TUBA1C: variants seen among roughly 807,000 people sequenced by gnomAD.
TUBA1C encodes the protein tubulin alpha-1C chain.
In TUBA1C, 16 loss-of-function variants were observed where a neutral mutation model predicts 34.9. That is an observed-to-expected ratio of 0.46 (90% CI 0.31 to 0.70). The LOEUF is 0.70. Ranked by LOEUF, TUBA1C falls within the 30% of genes least tolerant of loss-of-function variation. The probability of loss-of-function intolerance (pLI) is 0.05; values close to 1 mark genes in which losing one functional copy is unlikely to be tolerated. For synonymous variants in TUBA1C, 177 were observed against 215.9 expected (o/e 0.82, Z 1.58); for missense variants, 329 against 587.3 (o/e 0.56, Z 4.55).
intron 1 of TUBA1C, among the ~76,000 whole-genome samples, chr12:49,230,975 A>G (rs955604654): frequency 6.6e-6 from 1 of 152,164 alleles, no homozygotes; most frequent in African/African-American, 2.4e-5. Context: ...AATGTATGAA[A>G]AGAACTTAGT....
chr12:49,255,559 CT>C (rs1942775376), intron 1 of TUBA1C, among the ~76,000 whole-genome samples: 1 of 151,808 alleles, frequency 6.6e-6, no homozygotes, highest in South Asian at 2.1e-4. Flanking sequence ...GTAGATTCGT[CT>C]TTTCTTTTTG....
chr12:49,254,793 C>T (rs970869463), intron 1 of TUBA1C, among the ~76,000 whole-genome samples: 12 of 152,066 alleles, frequency 7.9e-5, no homozygotes, highest in African/African-American at 2.9e-4. Flanking sequence ...CTAGTCATGA[C>T]TTTGTCTTTC....
intron 3 of TUBA1C, 126 bp downstream of exon 3, chr12:49,270,102 A>G (rs1285938599): frequency 5.1e-6 from 8 of 1,567,690 alleles, no homozygotes; most frequent in Non-Finnish European, 7.0e-6. Flanking sequence ...GTATCTGTTC[A>G]CTAAATTAAT....
intron 1 of TUBA1C, among the ~76,000 whole-genome samples, chr12:49,265,978 A>C (rs1468248027): frequency 2.0e-5 from 3 of 147,418 alleles, no homozygotes; most frequent in Non-Finnish European, 4.5e-5. Flanking sequence ...AAAAACAAAA[A>C]AAAACGCTGG....
rs562107706 is a variant in TUBA1C at position 49,250,523 on chromosome 12, CA to C, written c.214-18924del. Among the ~76,000 whole-genome samples the C allele has an allele frequency of 5.0e-3, 272 of 54,916 alleles. 2 individuals are homozygous for C. The highest frequency in any genetic ancestry group is 0.012 in the African/African-American group (191 of 16,088). The allele number at this position is 54,916 out of a possible 152,430, so 36.0% of individuals were successfully genotyped here. ...TGGGTGACAGAGTGAGACTCCGTCT[CA>C]AAAAAAAAAAAAAAAAAGAGAAGAC... On this transcript the variant is annotated intron_variant, in intron 1 of 3. Transcript: ENST00000541364.
rs36089997 is a variant in TUBA1C at position 49,235,253 on chromosome 12, T to TAA, written c.213+7100_213+7101dup. 1.3e-3 allele frequency among the ~76,000 whole-genome samples: 192 copies of TAA among 147,444 alleles called. 2 individuals are homozygous for TAA. Among genetic ancestry groups the TAA allele is most frequent in the East Asian group, 0.011 (57 of 5,076 alleles). Reference sequence around the variant, plus strand: ...AGTATAGGTTGAAAATTAGAATGCTTAAAAAAAAAAAAAATTCCCCTTCCT... The same window carrying TAA: ...AGTATAGGTTGAAAATTAGAATGCTTAAAAAAAAAAAAAAAATTCCCCTTCCT... On this transcript the variant is annotated intron_variant, in intron 1 of 3. Coordinates refer to the TUBA1C transcript ENST00000541364.
At chr12:49,234,689 C>G (rs1454337539) in intron 1 of TUBA1C, among the ~76,000 whole-genome samples, 3 of 152,212 alleles carry the variant, frequency 2.0e-5, no homozygotes, top group Non-Finnish European at 4.4e-5. Context: ...CGCGCCCCCG[C>G]CACGCCCTGC....
intron 3 of TUBA1C, 161 bp downstream of exon 3, chr12:49,270,137 G>A: frequency 1.4e-6 from 2 of 1,417,650 alleles, no homozygotes; most frequent in Non-Finnish European, 2.0e-6. Flanking sequence ...AGATGATCTT[G>A]GATTTATGGG....
chr12:49,244,743 G>A (rs1296107797), intron 1 of TUBA1C, among the ~76,000 whole-genome samples: 1 of 151,990 alleles, frequency 6.6e-6, no homozygotes, highest in Non-Finnish European at 1.5e-5. Context: ...TCTTATCCCT[G>A]CATTCCCACC....
At chr12:49,264,403 C>G (rs547167597), upstream of TUBA1C, among the ~76,000 whole-genome samples, 1 of 152,202 alleles carries the variant, frequency 6.6e-6, no homozygotes. Flanking sequence ...GAGTTTAAGG[C>G]GCGTTCGTGG....
At chr12:49,258,316 G>A (rs529034804) in intron 1 of TUBA1C, among the ~76,000 whole-genome samples, 6 of 152,196 alleles carry the variant, frequency 3.9e-5, no homozygotes, top group African/African-American at 1.2e-4. Context: ...GCTCCCACCT[G>A]TAATCCCAGC....
chr12:49,263,354 C>T (rs1435688928), upstream of TUBA1C, among the ~76,000 whole-genome samples: 1 of 152,004 alleles, frequency 6.6e-6, no homozygotes, highest in Non-Finnish European at 1.5e-5. Flanking sequence ...TCCCACTTCC[C>T]TATCTTCCCT....
At chr12:49,231,940 C>T (rs1027570970) in intron 1 of TUBA1C, among the ~76,000 whole-genome samples, 3 of 152,192 alleles carry the variant, frequency 2.0e-5, no homozygotes, top group Non-Finnish European at 2.9e-5. Flanking sequence ...CTTGCCTGAA[C>T]GTCACCTATA....
rs187703453 is a variant in TUBA1C at position 49,249,406 on chromosome 12, G to A, written c.214-20059G>A. On this transcript the variant is annotated intron_variant, in intron 1 of 3. Transcript: ENST00000541364. ...GGCGCCACTGCACTCCAGCCTGGTC[G>A]ACAAGAGTGAAACTCCGTCTCTAAA... 2.0e-5 allele frequency among the ~76,000 whole-genome samples: 3 copies of A among 152,038 alleles called. No homozygotes were observed. The East Asian group carries it at 5.8e-4, about 30-fold the overall frequency.
At chr12:49,251,016 G>A (rs1942727082) in intron 1 of TUBA1C, among the ~76,000 whole-genome samples, 2 of 152,112 alleles carry the variant, frequency 1.3e-5, no homozygotes, top group South Asian at 4.1e-4. Context: ...AGACCAGCCT[G>A]GGCATTATGG....
intron 3 of TUBA1C, 111 bp downstream of exon 3, chr12:49,270,087 A>G (rs1393426885): frequency 1.3e-6 from 2 of 1,589,580 alleles, no homozygotes; most frequent in Admixed American, 1.7e-5. Context: ...CATTGCAACT[A>G]AAATGTATCT....
At chr12:49,261,020 C>T (rs1942835393), upstream of TUBA1C, among the ~76,000 whole-genome samples, 2 of 152,170 alleles carry the variant, frequency 1.3e-5, no homozygotes, top group African/African-American at 4.8e-5. Context: ...AGAAATGAGC[C>T]ACCTCACCTG....
intron 1 of TUBA1C, among the ~76,000 whole-genome samples, chr12:49,238,711 T>C (rs1204912040): frequency 6.6e-6 from 1 of 152,208 alleles, no homozygotes; most frequent in East Asian, 1.9e-4. Flanking sequence ...AAGGTCTCAC[T>C]GTGTTACCCA....
At chr12:49,246,105 C>A (rs1025659355) in intron 1 of TUBA1C, among the ~76,000 whole-genome samples, 1 of 151,934 alleles carries the variant, frequency 6.6e-6, no homozygotes, top group African/African-American at 2.4e-5. Context: ...CGGGTTTCAC[C>A]ATGTTAGCCA....
Sources: gnomAD v4.1 joint callset for allele counts (sites outside exome capture counted in the v4.1 genomes callset) on GRCh38, gnomAD v4.1.1 for gene constraint, MANE v1.5 for transcripts, NCBI Gene and HGNC (gene_info 2026-07-23, HGNC 2026-07-21) for gene names.